The following COMMD1 variants were observed in gnomAD, a reference collection of about 807,000 sequenced individuals.
COMMD1 encodes the protein copper metabolism domain containing 1, also known as COMM domain-containing protein 1.
Under a neutral mutation model 17.2 loss-of-function variants are expected in COMMD1, and 10 were observed. The ratio of observed to expected loss-of-function variants is 0.58; its 90% CI spans 0.36 to 0.99. The LOEUF is 0.99. Among genes scored for constraint, COMMD1 ranks in the 50% least tolerant of loss-of-function variants. The pLI is 0.01. For missense variants in COMMD1, 270 were observed against 231.8 expected (o/e 1.17, Z -1.07); for synonymous variants, 97 against 91.6 (o/e 1.06, Z -0.34).
In COMMD1 at chr2:61,990,912, A is replaced by C. The variant is rs534355048; in HGVS notation, c.181-9789A>C. On this transcript the variant is annotated intron_variant, in intron 1 of 2. Coordinates refer to ENST00000311832, the MANE Select transcript of COMMD1 (RefSeq NM_152516.4). ...AAAAAATATATATATATACACACAC[A>C]CACACACACACACACACACACACAC... 7.5e-3 allele frequency among the ~76,000 whole-genome samples: 1,121 copies of C among 148,518 alleles called. 18 individuals carry two copies. The highest frequency in any genetic ancestry group is 0.027 in the African/African-American group (1,061 of 39,942).
At chr2:61,959,024 C>T (rs1037566926) in intron 1 of COMMD1, among the ~76,000 whole-genome samples, 1 of 152,062 alleles carries the variant, frequency 6.6e-6, no homozygotes, top group Non-Finnish European at 1.5e-5. Context: ...TTACTTTATA[C>T]TTAACTCATT....
At chr2:61,926,405 C>G (rs1670331019) in intron 1 of COMMD1, among the ~76,000 whole-genome samples, 1 of 152,162 alleles carries the variant, frequency 6.6e-6, no homozygotes, top group African/African-American at 2.4e-5. Context: ...TACTTTCAGA[C>G]ATAGTGATGA....
At chr2:62,008,494 A>G (rs1249768576) in intron 2 of COMMD1, among the ~76,000 whole-genome samples, 1 of 152,218 alleles carries the variant, frequency 6.6e-6, no homozygotes, top group Admixed American at 6.5e-5. Flanking sequence ...ATCAACGTTC[A>G]GTCACCATTT....
chr2:61,926,330 T>A (rs1390533364), intron 1 of COMMD1, among the ~76,000 whole-genome samples: 1 of 152,182 alleles, frequency 6.6e-6, no homozygotes, highest in Non-Finnish European at 1.5e-5. Flanking sequence ...AGTAAGATTG[T>A]CCCCTTTGTG....
chr2:62,020,947 G>A (rs965127890), intron 2 of COMMD1, among the ~76,000 whole-genome samples: 4 of 151,470 alleles, frequency 2.6e-5, no homozygotes, highest in African/African-American at 9.7e-5. Flanking sequence ...AGGTTGCGGT[G>A]AGCCGAGATT....
chr2:62,045,095 C>T (rs896234244), intron 2 of COMMD1, among the ~76,000 whole-genome samples: 1 of 152,088 alleles, frequency 6.6e-6, no homozygotes, highest in African/African-American at 2.4e-5. Flanking sequence ...GTCAGTCTCC[C>T]CAAAGGCCTG....
chr2:61,994,817 A>G (rs531567952), intron 1 of COMMD1, among the ~76,000 whole-genome samples: 35 of 152,148 alleles, frequency 2.3e-4, no homozygotes, highest in African/African-American at 8.4e-4. Flanking sequence ...TGTCCTTCTT[A>G]TACTATGACC....
intron 1 of COMMD1, among the ~76,000 whole-genome samples, chr2:61,946,772 T>A (rs1670918443): frequency 6.6e-6 from 1 of 152,196 alleles, no homozygotes; most frequent in South Asian, 2.1e-4. Flanking sequence ...TGTTTTTTTC[T>A]TCCACATTTC....
intron 2 of COMMD1, among the ~76,000 whole-genome samples, chr2:62,087,293 A>G (rs975663124): frequency 1.3e-5 from 2 of 152,220 alleles, no homozygotes; most frequent in African/African-American, 4.8e-5. Context: ...TGAGGGTCAC[A>G]TGGCTGCTTC....
intron 1 of COMMD1, among the ~76,000 whole-genome samples, chr2:61,984,940 A>T (rs1457797638): frequency 2.0e-5 from 3 of 150,766 alleles, no homozygotes; most frequent in Non-Finnish European, 4.4e-5. Context: ...TTTATCTTGA[A>T]ATCCATTTTA....
intron 1 of COMMD1, among the ~76,000 whole-genome samples, chr2:61,960,600 G>A (rs1247990673): frequency 6.6e-6 from 1 of 152,226 alleles, no homozygotes; most frequent in Non-Finnish European, 1.5e-5. Context: ...ATTGGGGGCA[G>A]TGTTATTTGG....
chr2:61,956,671 A>C (rs981115735), intron 1 of COMMD1, among the ~76,000 whole-genome samples: 1 of 151,798 alleles, frequency 6.6e-6, no homozygotes, highest in Non-Finnish European at 1.5e-5. Flanking sequence ...GGCCTCCCAA[A>C]GTGCTGGGAT....
In COMMD1 at chr2:62,086,510, C is replaced by CA. The variant is rs36086221; in HGVS notation, c.463-49304dup. On this transcript the variant is annotated intron_variant, in intron 2 of 2. Transcript: ENST00000311832. ...TGTATGACTGAGCAAGACTCCGTCT[C>CA]AAAAAAAAAAAAAAAAATTGTCTTC... Among the ~76,000 whole-genome samples, 550 of 117,682 alleles carry CA rather than the reference C, an allele frequency of 4.7e-3. 3 individuals carry two copies. The highest frequency in any genetic ancestry group is 0.016 in the East Asian group (65 of 3,974). The allele number at this position is 117,682 out of a possible 152,430, so 77.2% of individuals were successfully genotyped here.
chr2:61,993,989 CTTCT>C (rs953377911), intron 1 of COMMD1, among the ~76,000 whole-genome samples: 3 of 150,134 alleles, frequency 2.0e-5, no homozygotes, highest in Admixed American at 6.7e-5. Context: ...TCCTTCTTTC[CTTCT>C]TTCTTTCTTT....
intron 2 of COMMD1, among the ~76,000 whole-genome samples, chr2:62,003,736 CT>C (rs906050762): frequency 2.0e-5 from 3 of 151,972 alleles, no homozygotes; most frequent in African/African-American, 7.3e-5. Context: ...GCCAGCAGTG[CT>C]TATTTCATTT....
chr2:62,061,540 T>G (rs186184500), intron 2 of COMMD1, among the ~76,000 whole-genome samples: 95 of 151,172 alleles, frequency 6.3e-4, no homozygotes, highest in East Asian at 3.7e-3. Context: ...TGTGTGGCTG[T>G]CTTTCTTTCT....
At chr2:62,011,927 G>A (rs1255104610) in intron 2 of COMMD1, among the ~76,000 whole-genome samples, 1 of 152,172 alleles carries the variant, frequency 6.6e-6, no homozygotes, top group Non-Finnish European at 1.5e-5. Context: ...ATTCTCTAGA[G>A]TTTATGAACA....
At chr2:61,963,550 G>A (rs534800580) in intron 1 of COMMD1, among the ~76,000 whole-genome samples, 13 of 152,180 alleles carry the variant, frequency 8.5e-5, no homozygotes, top group Admixed American at 3.3e-4. Flanking sequence ...CACCATGTTG[G>A]TCAGGCTGGT....
At chr2:61,999,268 A>G (rs1466071537) in intron 1 of COMMD1, among the ~76,000 whole-genome samples, 2 of 152,226 alleles carry the variant, frequency 1.3e-5, no homozygotes, top group African/African-American at 4.8e-5. Flanking sequence ...GCATGTTACT[A>G]TGCTTGAGCT....
Sources: allele counts gnomAD v4.1 joint callset (sites outside exome capture counted in the v4.1 genomes callset), GRCh38; gene constraint gnomAD v4.1.1; transcripts MANE v1.5; gene names NCBI Gene and HGNC (gene_info 2026-07-23, HGNC 2026-07-21).